The following ECT2L variants were observed in gnomAD, a reference collection of about 807,000 sequenced individuals.
ECT2L encodes epithelial cell transforming 2 like, also known as epithelial cell-transforming sequence 2 oncogene-like.
Under a neutral mutation model 122.8 loss-of-function variants are expected in ECT2L, and 126 were observed. That is an observed-to-expected ratio of 1.03 (90% CI 0.89 to 1.19). ECT2L has a LOEUF of 1.19. Ranked by LOEUF, ECT2L falls within the 50% of genes most tolerant of loss-of-function variation. ECT2L has a pLI of 0.00. For synonymous variants in ECT2L, 385 were observed against 381.8 expected (o/e 1.01, Z -0.10); for missense variants, 1,012 against 1,064.1 (o/e 0.95, Z 0.68).
rs201658402 is a variant in ECT2L, at chr6:138,881,017, C to A, written c.1726C>A (p.Gln576Lys). ...KRARVVRELLQSERKYVQILE... is the reference protein window; with the variant it reads ...KRARVVRELLKSERKYVQILE... ...AGCTAGAGTTGTCAGAGAACTCTTACAGAGTGAGAGAAAATACGTGCAGAT... is the reference window on the plus strand; with the variant it reads ...AGCTAGAGTTGTCAGAGAACTCTTAAAGAGTGAGAGAAAATACGTGCAGAT... The change falls in exon 15 of 22, where the codon CAG (glutamine) becomes AAG (lysine). Residue 576 changes from glutamine (Q) to lysine (K), a missense_variant. Physicochemically the swap from Gln to Lys is moderately conservative, Grantham distance 53. Coordinates refer to ENST00000541398, the MANE Select transcript of ECT2L (RefSeq NM_001077706.3). 1 of 1,614,128 alleles carries A rather than the reference C, an allele frequency of 6.2e-7. No homozygotes were observed. The highest frequency in any genetic ancestry group is 8.5e-7 in the Non-Finnish European group (1 of 1,180,016).
chr6:138,868,995 C>T (rs1263755347), intron 13 of ECT2L, among the ~76,000 whole-genome samples: 7 of 152,046 alleles, frequency 4.6e-5, no homozygotes, highest in African/African-American at 1.4e-4. Flanking sequence ...GGTGAAACCC[C>T]GTCTCTACTA....
intron 12 of ECT2L, 60 bp downstream of exon 12, chr6:138,865,238 T>G: frequency 6.7e-7 from 1 of 1,482,400 alleles, no homozygotes; most frequent in African/African-American, 1.4e-5. Flanking sequence ...ATATCCCGAG[T>G]AAATACAAGT....
chr6:138,804,365 C>A (rs1332842924), intron 1 of ECT2L, among the ~76,000 whole-genome samples: 1 of 152,160 alleles, frequency 6.6e-6, no homozygotes, highest in Admixed American at 6.6e-5. Context: ...TGTCATCTAA[C>A]AAGTGTCCCT....
chr6:138,800,757 A>G (rs1478626408), intron 1 of ECT2L, among the ~76,000 whole-genome samples: 1 of 152,198 alleles, frequency 6.6e-6, no homozygotes, highest in Non-Finnish European at 1.5e-5. Context: ...AATTTGGAAA[A>G]TTGGCAGATG....
At position 138,881,148 on chromosome 6, in the gene ECT2L, T is replaced by G; in HGVS notation, c.1857T>G (p.Ile619Met). 1 of 1,614,080 alleles carries G rather than the reference T, an allele frequency of 6.2e-7. No homozygotes were observed. Among genetic ancestry groups the G allele is most frequent in the Non-Finnish European group, 8.5e-7 (1 of 1,179,992 alleles). ...ATATCCAGATCATTTTCTGTGACAT[T>G]CTACAGATTTTAAGTCTCAACAGGT... ...AANIQIIFCD[I>M]LQILSLNRQF... The change falls in exon 15 of 22, where the codon ATT (isoleucine) becomes ATG (methionine). Residue 619 changes from isoleucine to methionine, a missense_variant. Physicochemically the swap from Ile to Met is conservative, Grantham distance 10. Coordinates refer to ENST00000541398, the MANE Select transcript of ECT2L (RefSeq NM_001077706.3).
intron 14 of ECT2L, among the ~76,000 whole-genome samples, chr6:138,879,615 T>C (rs992232301): frequency 3.3e-5 from 5 of 152,272 alleles, no homozygotes; most frequent in African/African-American, 7.2e-5. Flanking sequence ...CATCAGGGTA[T>C]GGAATTTCTT....
intron 4 of ECT2L, among the ~76,000 whole-genome samples, chr6:138,816,337 T>C (rs1443194356): frequency 1.3e-5 from 2 of 152,208 alleles, no homozygotes; most frequent in South Asian, 4.1e-4. Flanking sequence ...AACTGAATTC[T>C]TTTTTCTGTG....
At chr6:138,827,058 C>T (rs758815822) in intron 4 of ECT2L, among the ~76,000 whole-genome samples, 2 of 152,158 alleles carry the variant, frequency 1.3e-5, no homozygotes, top group African/African-American at 2.4e-5. Flanking sequence ...TTATAAACTA[C>T]CAAGTCTCAG....
At chr6:138,864,439 C>T (rs1177749387) in intron 11 of ECT2L, among the ~76,000 whole-genome samples, 1 of 152,228 alleles carries the variant, frequency 6.6e-6, no homozygotes, top group Non-Finnish European at 1.5e-5. Context: ...CACACCACTG[C>T]ATCATCCAGT....
intron 7 of ECT2L, among the ~76,000 whole-genome samples, chr6:138,845,891 C>A (rs537660722): frequency 6.6e-6 from 1 of 151,878 alleles, no homozygotes; most frequent in Non-Finnish European, 1.5e-5. Flanking sequence ...GGCAACACAG[C>A]GAGACCCCAT....
chr6:138,821,035 G>T (rs1015207393), intron 4 of ECT2L, among the ~76,000 whole-genome samples: 4 of 152,218 alleles, frequency 2.6e-5, no homozygotes, highest in Non-Finnish European at 5.9e-5. Context: ...ACAGCCAAGG[G>T]TCAGACACAG....
intron 4 of ECT2L, chr6:138,822,852 G>C: frequency 6.2e-7 from 1 of 1,613,948 alleles, no homozygotes; most frequent in Non-Finnish European, 8.5e-7. Context: ...CAAAGAAGAT[G>C]TCAGAGAATT....
At chr6:138,854,524 G>A (rs1278929267) in intron 10 of ECT2L, among the ~76,000 whole-genome samples, 1 of 152,140 alleles carries the variant, frequency 6.6e-6, no homozygotes, top group Non-Finnish European at 1.5e-5. Context: ...GAGTAGGCAT[G>A]AACTTTGGTG....
At chr6:138,819,357 T>C (rs923471228) in intron 4 of ECT2L, among the ~76,000 whole-genome samples, 19 of 152,160 alleles carry the variant, frequency 1.2e-4, no homozygotes, top group African/African-American at 4.6e-4. Context: ...CAACATCCAC[T>C]GGCTTGAAGT....
chr6:138,799,682 C>T (rs1309199883), intron 1 of ECT2L, among the ~76,000 whole-genome samples: 2 of 152,166 alleles, frequency 1.3e-5, no homozygotes, highest in African/African-American at 2.4e-5. Flanking sequence ...ATTCCAGCCT[C>T]CCAACTAGCT....
rs1313940758 is a variant in ECT2L at position 138,824,729 on chromosome 6, A to G, written c.179+10126A>G. On this transcript the variant is annotated intron_variant, in intron 4 of 21. Transcript: ENST00000541398. Reference sequence around the variant, plus strand: ...ATAGGGACGTGTTTGGGCAGCAGGAATGGTTGTTGAGGAGATGGGGAGATT... The same window carrying G: ...ATAGGGACGTGTTTGGGCAGCAGGAGTGGTTGTTGAGGAGATGGGGAGATT... 3.3e-5 allele frequency among the ~76,000 whole-genome samples: 5 copies of G among 152,078 alleles called. 1 individual carries two copies. Among genetic ancestry groups the G allele is most frequent in the Admixed American group, 3.3e-4 (5 of 15,262 alleles).
At chr6:138,873,872 C>CTGTGTG (rs57839466) in intron 13 of ECT2L, among the ~76,000 whole-genome samples, 6,566 of 71,190 alleles carry the variant, frequency 0.092, 222 homozygotes, top group Middle Eastern at 0.25. Context: ...AAATCCAGGA[C>CTGTGTG]TGTGTGTGTG....
At chr6:138,822,673 C>CT (rs1399082628) in intron 4 of ECT2L, 2 of 1,349,214 alleles carry the variant, frequency 1.5e-6, no homozygotes. Flanking sequence ...ATAGGAACAG[C>CT]TCCGGTCTAC....
chr6:138,842,374 T>C (rs1405713473), intron 5 of ECT2L, among the ~76,000 whole-genome samples: 1 of 152,076 alleles, frequency 6.6e-6, no homozygotes, highest in Non-Finnish European at 1.5e-5. Flanking sequence ...GGCAAGAGAA[T>C]TGCTTGAACC....
Sources: allele counts gnomAD v4.1 joint callset (sites outside exome capture counted in the v4.1 genomes callset), GRCh38; gene constraint gnomAD v4.1.1; transcripts MANE v1.5; gene names NCBI Gene and HGNC (gene_info 2026-07-23, HGNC 2026-07-21).